KIRREL3: variants seen among roughly 807,000 people sequenced by gnomAD.
The protein encoded by KIRREL3 is kin of IRRE-like protein 3.
KIRREL3 carries 36 observed loss-of-function variants against 89.7 expected under a neutral mutation model. That is an observed-to-expected ratio of 0.40 (90% CI 0.31 to 0.53). The LOEUF (loss-of-function observed/expected upper bound fraction) is 0.53, where lower values mean the gene tolerates loss of function less well. Among genes scored for constraint, KIRREL3 ranks in the 20% least tolerant of loss-of-function variants. KIRREL3 has a pLI of 0.49. For synonymous variants in KIRREL3, 445 were observed against 441.4 expected (o/e 1.01, Z -0.10); for missense variants, 864 against 1,056.6 (o/e 0.82, Z 2.53).
chr11:126,714,307 T>C (rs536150878), intron 1 of KIRREL3, among the ~76,000 whole-genome samples: 2 of 152,340 alleles, frequency 1.3e-5, no homozygotes, highest in South Asian at 4.1e-4. Flanking sequence ...TGTAGAAGCA[T>C]GTAGACCCCT....
Position 126,570,325 on chromosome 11 carries a change from T to C in KIRREL3, c.56-7413A>G, listed in dbSNP as rs558887134. ...ATATTATCAATTAGTTGTTTTAAAC[T>C]ATTGATTTGTATTTAATTAACTATG... On this transcript the variant is annotated intron_variant, in intron 1 of 16. Coordinates refer to ENST00000525144, the MANE Select transcript of KIRREL3 (RefSeq NM_032531.4). This position sits in a 1 kb window ranked among gnomAD's most constrained non-coding sequence, Gnocchi z 6.1. Among the ~76,000 whole-genome samples, 1 of 152,226 alleles carries C rather than the reference T, an allele frequency of 6.6e-6. No homozygotes were observed. Among genetic ancestry groups the C allele is most frequent in the Non-Finnish European group, 1.5e-5 (1 of 68,042 alleles).
rs552226104 is a variant in KIRREL3, at chr11:126,995,201, C to T, written c.55+5254G>A. ...GTTAGCCCCCCAGAGCAGCTGCTCC[C>T]ACCGACCCTGCTCCAAGAGTGCTGG... On this transcript the variant is annotated intron_variant, in intron 1 of 16. Coordinates refer to ENST00000525144, the MANE Select transcript of KIRREL3 (RefSeq NM_032531.4). This position sits in a 1 kb window ranked among gnomAD's most constrained non-coding sequence, Gnocchi z 6.5. The T allele has an allele frequency of 3.1e-5, 14 of 456,216 alleles. No individual in the cohort carries two copies. The highest frequency in any genetic ancestry group is 1.5e-4 in the South Asian group (10 of 64,566). 28.3% of individuals were successfully genotyped at this position (456,216 alleles called of 1,614,324 possible). A position where few individuals can be genotyped will look rare whatever the true frequency, so the allele number is the denominator to read the frequency against.
intron 10 of KIRREL3, among the ~76,000 whole-genome samples, chr11:126,444,703 G>A (rs1955720854): frequency 6.6e-6 from 1 of 152,156 alleles, no homozygotes; most frequent in Non-Finnish European, 1.5e-5. Flanking sequence ...TTCCTGGCCA[G>A]GATAAAATTC....
rs558655131 is a variant in KIRREL3 at position 126,904,999 on chromosome 11, T to C, written c.55+95456A>G. Among the ~76,000 whole-genome samples the C allele has an allele frequency of 6.6e-6, 1 of 152,224 alleles. No homozygotes were observed. The highest frequency in any genetic ancestry group is 2.1e-4 in the South Asian group (1 of 4,818). ...GTGTGTAAAAAAATTCATCTTCAGA[T>C]GGGTATTTGTGGCAATGCTTCAGAG... On this transcript the variant is annotated intron_variant, in intron 1 of 16. Transcript: ENST00000525144. The surrounding 1 kb of genome is among the most constrained non-coding windows in gnomAD (Gnocchi z 4.4).
chr11:126,637,498 C>G (rs930105682), intron 1 of KIRREL3, among the ~76,000 whole-genome samples: 1 of 152,174 alleles, frequency 6.6e-6, no homozygotes, highest in African/African-American at 2.4e-5. Context: ...AAGCCTCTGC[C>G]TATTTGTCCA....
At chr11:126,823,414 G>T (rs1252417646) in intron 1 of KIRREL3, among the ~76,000 whole-genome samples, 1 of 152,134 alleles carries the variant, frequency 6.6e-6, no homozygotes, top group Admixed American at 6.5e-5. Flanking sequence ...CTCTAGGCAG[G>T]CAGAATGGCC....
chr11:126,962,816 AACC>A (rs1202670871), intron 1 of KIRREL3, among the ~76,000 whole-genome samples: 2 of 152,150 alleles, frequency 1.3e-5, no homozygotes, highest in African/African-American at 4.8e-5. Flanking sequence ...AACTTTCAGC[AACC>A]ACCACCCTGA....
chr11:126,953,449 C>A lies in KIRREL3; in HGVS notation c.55+47006G>T, dbSNP rs1948826422. Among the ~76,000 whole-genome samples, 1 of 152,132 alleles carries A rather than the reference C, an allele frequency of 6.6e-6. No homozygotes were observed. Among genetic ancestry groups the A allele is most frequent in the Non-Finnish European group, 1.5e-5 (1 of 68,022 alleles). ...ATACCTTTGTAACAAACTGTACATT[C>A]TGCACAAGTATCCCAGAACTTAAAG... On this transcript the variant is annotated intron_variant, in intron 1 of 16. Coordinates refer to ENST00000525144, the MANE Select transcript of KIRREL3 (RefSeq NM_032531.4). The surrounding 1 kb of genome is among the most constrained non-coding windows in gnomAD (Gnocchi z 5.2).
intron 1 of KIRREL3, among the ~76,000 whole-genome samples, chr11:126,658,072 G>A (rs1945236397): frequency 6.6e-6 from 1 of 152,190 alleles, no homozygotes; most frequent in Non-Finnish European, 1.5e-5. Context: ...AGTCGAGTTA[G>A]CCCCTCCTTC....
rs370172806 is a variant in KIRREL3, at chr11:126,771,916, C to T, written c.56-209004G>A. Among the ~76,000 whole-genome samples the T allele has an allele frequency of 2.6e-5, 4 of 152,188 alleles. No homozygotes were observed. The highest frequency in any genetic ancestry group is 2.9e-5 in the Non-Finnish European group (2 of 68,040). On this transcript the variant is annotated intron_variant, in intron 1 of 16. Transcript: ENST00000525144. This position sits in a 1 kb window ranked among gnomAD's most constrained non-coding sequence, Gnocchi z 4.4. ...AGGCTGAGCATGCAGCAATAGAAGA[C>T]GACGTCCTCTTGCCTTGGCTAGATC... is the stretch of plus-strand genomic sequence containing the variant.
chr11:126,657,648 G>C (rs1345716795), intron 1 of KIRREL3, among the ~76,000 whole-genome samples: 4 of 152,188 alleles, frequency 2.6e-5, no homozygotes, highest in African/African-American at 9.7e-5. Context: ...ATGACACAGA[G>C]ACAGTCCGTC....
At chr11:126,921,406 T>C (rs867141882) in intron 1 of KIRREL3, among the ~76,000 whole-genome samples, 1 of 134,670 alleles carries the variant, frequency 7.4e-6, no homozygotes. Flanking sequence ...TATCTATCTA[T>C]CTATCTATCT....
rs1022853650 is a variant in KIRREL3 at position 126,527,279 on chromosome 11, G to A, written c.134-592C>T. 2.0e-5 allele frequency among the ~76,000 whole-genome samples: 3 copies of A among 152,130 alleles called. No homozygotes were observed. Among genetic ancestry groups the A allele is most frequent in the South Asian group, 2.1e-4 (1 of 4,804 alleles). ...TGCTGAGGAGGCGTGCCATCCTACC[G>A]TGTCCTCCCTGTCCCTTTCTTTTCT... On this transcript the variant is annotated intron_variant, in intron 2 of 16. Transcript: ENST00000525144. The surrounding 1 kb of genome is among the most constrained non-coding windows in gnomAD (Gnocchi z 4.2).
At position 126,955,459 on chromosome 11, in the gene KIRREL3, G is replaced by A. The variant is rs150594729; in HGVS notation, c.55+44996C>T. ...GAAATGCCCTGGCCGCCCATGGGCC[G>A]GGATCTTCCTAGCCCTCCCTTCCCT... On this transcript the variant is annotated intron_variant, in intron 1 of 16. Coordinates refer to ENST00000525144, the MANE Select transcript of KIRREL3 (RefSeq NM_032531.4). The surrounding 1 kb of genome is among the most constrained non-coding windows in gnomAD (Gnocchi z 4.6). 5.7e-3 allele frequency among the ~76,000 whole-genome samples: 866 copies of A among 152,282 alleles called. 7 individuals carry two copies. The highest frequency in any genetic ancestry group is 0.019 in the African/African-American group (793 of 41,560).
chr11:126,858,861 G>A (rs916508191), intron 1 of KIRREL3, among the ~76,000 whole-genome samples: 6 of 152,210 alleles, frequency 3.9e-5, no homozygotes, highest in African/African-American at 1.4e-4. Context: ...TGGATGTCAG[G>A]TTGCTAGAAG....
In KIRREL3 at chr11:126,558,217, T is replaced by C. The variant is rs73015238; in HGVS notation, c.133+4618A>G. ...TGCTTCTTCCCTCCTTTAAATATCC[T>C]CTTCCTCATTTCCCCTTCTCAAGAG... is the stretch of plus-strand genomic sequence containing the variant. On this transcript the variant is annotated intron_variant, in intron 2 of 16. Coordinates refer to ENST00000525144, the MANE Select transcript of KIRREL3 (RefSeq NM_032531.4). The surrounding 1 kb of genome is among the most constrained non-coding windows in gnomAD (Gnocchi z 4.0). 4.1e-3 allele frequency among the ~76,000 whole-genome samples: 628 copies of C among 152,228 alleles called. 3 individuals carry two copies. Among genetic ancestry groups the C allele is most frequent in the Non-Finnish European group, 6.7e-3 (453 of 68,016 alleles).
chr11:126,582,173 G>T lies in KIRREL3; in HGVS notation c.56-19261C>A, dbSNP rs185722090. Reference sequence around the variant, plus strand: ...ACTGAGCCAATCGTGGAGCCTCTCTGGGCTTTTGTCTTCTCATCTCTCAAG... The same window carrying T: ...ACTGAGCCAATCGTGGAGCCTCTCTTGGCTTTTGTCTTCTCATCTCTCAAG... On this transcript the variant is annotated intron_variant, in intron 1 of 16. Transcript: ENST00000525144. 2.0e-3 allele frequency among the ~76,000 whole-genome samples: 312 copies of T among 152,300 alleles called. 1 individual carries two copies. The highest frequency in any genetic ancestry group is 3.9e-3 in the Admixed American group (59 of 15,300).
chr11:126,723,025 ATC>A lies in KIRREL3; in HGVS notation c.56-160115_56-160114del, dbSNP rs1948238669. 6.6e-6 allele frequency among the ~76,000 whole-genome samples: 1 copy of A among 152,068 alleles called. No homozygotes were observed. The highest frequency in any genetic ancestry group is 1.5e-5 in the Non-Finnish European group (1 of 68,028). ...CCCACGGTGGAATTGGCCTTTCTTC[ATC>A]TATTCCTCTTACAGTCTTCTGTGGC... On this transcript the variant is annotated intron_variant, in intron 1 of 16. Transcript: ENST00000525144. The surrounding 1 kb of genome is among the most constrained non-coding windows in gnomAD (Gnocchi z 4.0).
chr11:126,556,048 A>AT (rs1455287442), intron 2 of KIRREL3, among the ~76,000 whole-genome samples: 3 of 152,036 alleles, frequency 2.0e-5, no homozygotes, highest in Non-Finnish European at 2.9e-5. Flanking sequence ...GGCCTTCAGT[A>AT]TTTTTTTCTT....
Sources: allele counts gnomAD v4.1 joint callset (sites outside exome capture counted in the v4.1 genomes callset), GRCh38; gene constraint gnomAD v4.1.1; non-coding constraint Gnocchi (gnomAD v3.1); transcripts MANE v1.5; gene names NCBI Gene and HGNC (gene_info 2026-07-23, HGNC 2026-07-21).